The following PTPRM variants were observed in gnomAD, a reference collection of about 807,000 sequenced individuals.
The protein encoded by PTPRM is receptor-type tyrosine-protein phosphatase mu.
PTPRM carries 47 observed loss-of-function variants against 186.7 expected under a neutral mutation model. The observed-to-expected ratio is 0.25, with a 90% CI of 0.20 to 0.32. The LOEUF (loss-of-function observed/expected upper bound fraction) is 0.32, where lower values mean the gene tolerates loss of function less well. PTPRM is among the 10% of genes least tolerant of loss of function. PTPRM has a pLI of 1.00. For missense variants in PTPRM, 1,494 were observed against 1,865.0 expected (o/e 0.80, Z 3.66); for synonymous variants, 668 against 674.9 (o/e 0.99, Z 0.16).
chr18:7,849,388 A>G (rs2046756425), intron 2 of PTPRM, among the ~76,000 whole-genome samples: 1 of 152,230 alleles, frequency 6.6e-6, no homozygotes, highest in South Asian at 2.1e-4. Flanking sequence ...AATCTTTAGC[A>G]AAGAGAATGA....
intron 14 of PTPRM, among the ~76,000 whole-genome samples, chr18:8,176,858 G>A (rs2093490933): frequency 6.6e-6 from 1 of 152,166 alleles, no homozygotes; most frequent in African/African-American, 2.4e-5. Context: ...ATGCAGAGTT[G>A]GTGACTAATA....
At chr18:8,045,780 CATTGA>C (rs1192072300) in intron 7 of PTPRM, among the ~76,000 whole-genome samples, 1 of 152,124 alleles carries the variant, frequency 6.6e-6, no homozygotes, top group African/African-American at 2.4e-5. Flanking sequence ...TACTAAAAAC[CATTGA>C]ATTGTACACT....
intron 31 of PTPRM, among the ~76,000 whole-genome samples, chr18:8,391,057 G>A (rs1391489201): frequency 6.6e-6 from 1 of 152,060 alleles, no homozygotes; most frequent in Admixed American, 6.5e-5. Context: ...AGGATCACAT[G>A]CCACTGTGTA....
At position 8,377,960 on chromosome 18, in the gene PTPRM, C is replaced by T. The variant is rs1017570335; in HGVS notation, c.3463-305C>T. On this transcript the variant is annotated intron_variant, in intron 26 of 32. Transcript: ENST00000580170. ...AGCAAATCCTACCATAGACAAAATT[C>T]TGCTCATTCCTCATGTGAAATACTG... The T allele has an allele frequency of 6.8e-5, 16 of 234,990 alleles. No individual in the cohort carries two copies. In the South Asian group the frequency reaches 8.5e-4, roughly 12 times the overall value. The allele number at this position is 234,990 out of a possible 1,614,324, so 14.6% of individuals were successfully genotyped here.
At chr18:7,647,187 A>G (rs939499552) in intron 1 of PTPRM, among the ~76,000 whole-genome samples, 1 of 152,214 alleles carries the variant, frequency 6.6e-6, no homozygotes, top group Non-Finnish European at 1.5e-5. Context: ...ACTCTTACTC[A>G]TAAAGCAGCC....
At chr18:7,652,292 T>G (rs1420585907) in intron 1 of PTPRM, among the ~76,000 whole-genome samples, 2 of 152,142 alleles carry the variant, frequency 1.3e-5, no homozygotes, top group Admixed American at 6.5e-5. Flanking sequence ...GGAACACTTT[T>G]ACACTGTTGG....
At chr18:8,015,317 T>C (rs1448003557) in intron 7 of PTPRM, among the ~76,000 whole-genome samples, 1 of 152,266 alleles carries the variant, frequency 6.6e-6, no homozygotes, top group Admixed American at 6.5e-5. Flanking sequence ...TAAATAAATA[T>C]AATATTTCTC....
At chr18:7,894,601 A>G (rs1206347418) in intron 3 of PTPRM, among the ~76,000 whole-genome samples, 3 of 151,306 alleles carry the variant, frequency 2.0e-5, no homozygotes, top group Non-Finnish European at 4.4e-5. Context: ...AAATATATAT[A>G]TATATATATT....
At chr18:8,357,060 T>G (rs894729292) in intron 23 of PTPRM, among the ~76,000 whole-genome samples, 5 of 152,228 alleles carry the variant, frequency 3.3e-5, no homozygotes, top group African/African-American at 1.2e-4. Flanking sequence ...TCCTGTACAC[T>G]CTGAATACCA....
intron 14 of PTPRM, among the ~76,000 whole-genome samples, chr18:8,179,700 C>T (rs921345067): frequency 1.3e-5 from 2 of 152,016 alleles, no homozygotes; most frequent in African/African-American, 2.4e-5. Context: ...GATCTCTTGA[C>T]CTCGTGATCT....
chr18:8,395,262 G>A (rs2095840150), intron 32 of PTPRM, among the ~76,000 whole-genome samples: 1 of 152,060 alleles, frequency 6.6e-6, no homozygotes, highest in South Asian at 2.1e-4. Context: ...GAAACAGCAG[G>A]ACTAATCCAA....
In PTPRM at chr18:8,300,308, C is replaced by T. The variant is rs185578555; in HGVS notation, c.2842+3853C>T. ...GAACAGTTTGGAGTCCTTGTCCTAC[C>T]ACATACTGGCTCAATGACCTTGGGT... On this transcript the variant is annotated intron_variant, in intron 20 of 32. Coordinates refer to ENST00000580170, the MANE Select transcript of PTPRM (RefSeq NM_001105244.2). 1.2e-4 allele frequency among the ~76,000 whole-genome samples: 18 copies of T among 152,174 alleles called. No homozygotes were observed. The East Asian group carries it at 2.7e-3, about 23-fold the overall frequency.
chr18:8,356,232 G>A (rs1277276540), intron 23 of PTPRM, among the ~76,000 whole-genome samples: 2 of 152,138 alleles, frequency 1.3e-5, no homozygotes, highest in African/African-American at 2.4e-5. Flanking sequence ...AGGGAAAAGA[G>A]AGGAGTGCAG....
intron 14 of PTPRM, among the ~76,000 whole-genome samples, chr18:8,243,311 C>G (rs1426052710): frequency 6.6e-6 from 1 of 152,120 alleles, no homozygotes; most frequent in Non-Finnish European, 1.5e-5. Flanking sequence ...AACAAAGAAG[C>G]CTTACTCCTG....
chr18:7,602,256 G>A (rs557963488), intron 1 of PTPRM, among the ~76,000 whole-genome samples: 1 of 152,298 alleles, frequency 6.6e-6, no homozygotes, highest in South Asian at 2.1e-4. Flanking sequence ...TCTTGGGCAA[G>A]TTATCCACTT....
At chr18:7,832,145 A>G (rs977491852) in intron 2 of PTPRM, among the ~76,000 whole-genome samples, 1 of 152,174 alleles carries the variant, frequency 6.6e-6, no homozygotes, top group Non-Finnish European at 1.5e-5. Context: ...ATATATGTGC[A>G]GTGGGATTGC....
At chr18:7,908,139 T>C (rs957170048) in intron 4 of PTPRM, among the ~76,000 whole-genome samples, 3 of 152,260 alleles carry the variant, frequency 2.0e-5, no homozygotes, top group African/African-American at 7.2e-5. Flanking sequence ...TTAGTTTTAT[T>C]GGGTGCTGCC....
intron 2 of PTPRM, among the ~76,000 whole-genome samples, chr18:7,829,354 C>A (rs2045646984): frequency 1.3e-5 from 2 of 152,084 alleles, no homozygotes; most frequent in Admixed American, 6.6e-5. Context: ...ATAATAGATG[C>A]ACATTTGATA....
At chr18:7,768,423 A>C (rs2042115038) in intron 1 of PTPRM, among the ~76,000 whole-genome samples, 1 of 152,036 alleles carries the variant, frequency 6.6e-6, no homozygotes, top group Admixed American at 6.5e-5. Flanking sequence ...AGCCTGGGAG[A>C]TCAAGGCTAT....
Sources: gnomAD v4.1 joint callset for allele counts (sites outside exome capture counted in the v4.1 genomes callset) on GRCh38, gnomAD v4.1.1 for gene constraint, MANE v1.5 for transcripts, NCBI Gene and HGNC (gene_info 2026-07-23, HGNC 2026-07-21) for gene names.